The following HABP2 variants were observed in gnomAD, a reference collection of about 807,000 sequenced individuals.
The protein encoded by HABP2 is hyaluronan binding protein 2, also known as factor VII-activating protease.
HABP2 carries 65 observed loss-of-function variants against 66.5 expected under a neutral mutation model. That is an observed-to-expected ratio of 0.98 (90% CI 0.80 to 1.20). The LOEUF is 1.20. Among genes scored for constraint, HABP2 ranks in the 50% most tolerant of loss-of-function variants. HABP2 has a pLI of 0.00. For missense variants in HABP2, 786 were observed against 691.0 expected, an observed-to-expected ratio of 1.14 and a Z score of -1.54; for synonymous variants, 263 against 253.9, an observed-to-expected ratio of 1.04 and a Z score of -0.34.
chr10:113,580,120 C>T (rs1030415772), intron 7 of HABP2, among the ~76,000 whole-genome samples: 2 of 149,700 alleles, frequency 1.3e-5, no homozygotes, highest in Non-Finnish European at 3.0e-5. Context: ...GTACTTTCCA[C>T]TTGCACTCAC....
chr10:113,580,755 T>A (rs1347144002), intron 8 of HABP2, 63 bp downstream of exon 8: 1 of 846,240 alleles, frequency 1.2e-6, no homozygotes. Flanking sequence ...TAGGGAGATG[T>A]CCCTGGCACC....
chr10:113,583,221 A>G lies in HABP2; in HGVS notation c.1100A>G (p.Lys367Arg), dbSNP rs774826039. 2 of 1,613,890 alleles carry G rather than the reference A, an allele frequency of 1.2e-6. No individual in the cohort carries two copies. Among genetic ancestry groups the G allele is most frequent in the Admixed American group, 1.7e-5 (1 of 59,984 alleles). Residue 367 changes from lysine to arginine, a missense_variant, in exon 10 of 13, where the codon AAA (lysine) becomes AGA (arginine). Lys to Arg is a conservative substitution (Grantham distance 26). Coordinates refer to ENST00000351270, the MANE Select transcript of HABP2 (RefSeq NM_004132.5). ...VLTAAHCTDI[K>R]TRHLKVVLGD... ...CATCTCATTTTCCCTTGCAGCATAAAAACCAGACATCTAAAGGTGGTGCTA... is the reference window on the plus strand; with the variant it reads ...CATCTCATTTTCCCTTGCAGCATAAGAACCAGACATCTAAAGGTGGTGCTA...
chr10:113,554,116 C>T (rs909540802), intron 1 of HABP2, among the ~76,000 whole-genome samples: 2 of 151,864 alleles, frequency 1.3e-5, no homozygotes, highest in Admixed American at 1.3e-4. Flanking sequence ...GCTAACCTCT[C>T]ATAGATTTGG....
At chr10:113,573,892 C>G (rs11575741) in intron 2 of HABP2, among the ~76,000 whole-genome samples, 2 of 152,262 alleles carry the variant, frequency 1.3e-5, no homozygotes, top group South Asian at 4.1e-4. Flanking sequence ...GATCTGACCC[C>G]GGGCAGACCC....
At chr10:113,583,437 T>G (rs1845577780) in intron 10 of HABP2, 79 bp downstream of exon 10, 1 of 1,276,728 alleles carries the variant, frequency 7.8e-7, no homozygotes, top group Non-Finnish European at 1.1e-6. Context: ...GAAGTTTGGT[T>G]CTAGAAGGTG....
chr10:113,564,753 C>G (rs1173252349), intron 1 of HABP2, among the ~76,000 whole-genome samples: 1 of 152,186 alleles, frequency 6.6e-6, no homozygotes, highest in South Asian at 2.1e-4. Context: ...TGCTGTGTCT[C>G]TCATTCTCCT....
chr10:113,558,061 G>A (rs1233940761), intron 1 of HABP2, among the ~76,000 whole-genome samples: 1 of 152,318 alleles, frequency 6.6e-6, no homozygotes, highest in South Asian at 2.1e-4. Context: ...AGACCGTTTT[G>A]TGTGGTATCA....
intron 1 of HABP2, among the ~76,000 whole-genome samples, chr10:113,559,741 G>A (rs1169363246): frequency 6.6e-6 from 1 of 152,220 alleles, no homozygotes; most frequent in African/African-American, 2.4e-5. Context: ...TGTAACAAAT[G>A]GGACTCTTCT....
chr10:113,582,243 G>A (rs1486519258), intron 9 of HABP2, 112 bp downstream of exon 9: 2 of 1,053,358 alleles, frequency 1.9e-6, no homozygotes, highest in Non-Finnish European at 2.6e-6. Context: ...GGTCTGATCT[G>A]TTCAAGGGCA....
At chr10:113,580,817 T>C (rs1264164547) in intron 8 of HABP2, 125 bp downstream of exon 8, 2 of 614,064 alleles carry the variant, frequency 3.3e-6, no homozygotes, top group Non-Finnish European at 5.8e-6. Context: ...CCAATTCCCA[T>C]CCCAGTGCCA....
At chr10:113,585,562 G>A (rs903984074) in intron 11 of HABP2, among the ~76,000 whole-genome samples, 2 of 152,186 alleles carry the variant, frequency 1.3e-5, no homozygotes, top group African/African-American at 2.4e-5. Context: ...CCTGGGGAAA[G>A]AGAGGAGGGA....
intron 2 of HABP2, among the ~76,000 whole-genome samples, chr10:113,568,818 A>G (rs12569544): frequency 6.6e-6 from 1 of 152,188 alleles, no homozygotes; most frequent in African/African-American, 2.4e-5. Flanking sequence ...ATGGGGTGAC[A>G]CAGTGGAAGA....
rs947184761 is a variant in HABP2 at position 113,584,243 on chromosome 10, A to G, written c.1333A>G (p.Ser445Gly). 16 of 1,613,818 alleles carry G rather than the reference A, an allele frequency of 9.9e-6. No individual in the cohort carries two copies. The highest frequency in any genetic ancestry group is 1.3e-5 in the Non-Finnish European group (15 of 1,179,790). The change falls in exon 11 of 13, where the codon AGT becomes GGT. Residue 445 changes from serine to glycine, a missense_variant. Transcript: ENST00000351270. ...CLPDGSFPSGSECHISGWGVT... is the reference protein window; with the variant it reads ...CLPDGSFPSGGECHISGWGVT... The stretch of plus-strand genomic sequence containing the variant: ...GCCTGATGGGTCCTTTCCCTCTGGG[A>G]GTGAGTGCCACATCTCTGGCTGGGG...
At chr10:113,573,035 G>A (rs566457665) in intron 2 of HABP2, among the ~76,000 whole-genome samples, 1 of 152,200 alleles carries the variant, frequency 6.6e-6, no homozygotes, top group African/African-American at 2.4e-5. Flanking sequence ...CATCCTCCAA[G>A]CCATCAGCTG....
chr10:113,583,430 G>A lies in HABP2; in HGVS notation c.1237+72G>A, dbSNP rs560761899. On this transcript the variant is annotated intron_variant, in intron 10 of 12. Transcript: ENST00000351270. ...ATTTCTCTATGACCAGAAAGCTGAA[G>A]TTTGGTTCTAGAAGGTGCTCTTGAT... 611 of 1,402,314 alleles carry A rather than the reference G, an allele frequency of 4.4e-4. 11 individuals carry two copies. The South Asian group carries it at 6.8e-3, about 16-fold the overall frequency. 86.9% of individuals were successfully genotyped at this position (1,402,314 alleles called of 1,614,324 possible).
intron 7 of HABP2, among the ~76,000 whole-genome samples, chr10:113,579,869 G>A (rs1845487298): frequency 6.6e-6 from 1 of 151,676 alleles, no homozygotes; most frequent in Admixed American, 6.6e-5. Context: ...TGCAACCTCT[G>A]CCTCTCAGGT....
At chr10:113,580,548 T>C (rs1244565196) in intron 7 of HABP2, 47 bp from the exon 8 acceptor site, 1 of 942,210 alleles carries the variant, frequency 1.1e-6, no homozygotes, top group Non-Finnish European at 1.8e-6. Context: ...TAAGATCCAG[T>C]GTGTTCATCA....
upstream of HABP2, among the ~76,000 whole-genome samples, chr10:113,552,851 G>A (rs1001719375): frequency 1.3e-5 from 2 of 152,222 alleles, no homozygotes; most frequent in Admixed American, 6.5e-5. Flanking sequence ...CGTGGAGCCA[G>A]GGGGCTATGT....
intron 1 of HABP2, among the ~76,000 whole-genome samples, chr10:113,567,056 G>C (rs760952329): frequency 6.6e-6 from 1 of 152,210 alleles, no homozygotes; most frequent in African/African-American, 2.4e-5. Context: ...TCACAGCTAT[G>C]TGACCTCCGA....
Sources: allele counts gnomAD v4.1 joint callset (sites outside exome capture counted in the v4.1 genomes callset), GRCh38; gene constraint gnomAD v4.1.1; transcripts MANE v1.5; gene names NCBI Gene and HGNC (gene_info 2026-07-23, HGNC 2026-07-21).